Variants in UMAD1 observed in about 807,000 individuals in gnomAD.
The protein encoded by UMAD1 is UBAP1-MVB12-associated (UMA)-domain containing protein 1.
In UMAD1, 8 loss-of-function variants were observed where a neutral mutation model predicts 6.1. The observed-to-expected ratio is 1.30, with a 90% CI of 0.76 to 2.35. The LOEUF (loss-of-function observed/expected upper bound fraction) is 2.35. Among genes scored for constraint, UMAD1 ranks in the 30% most tolerant of loss-of-function variants. UMAD1 has a pLI of 0.00. For synonymous variants in UMAD1, 56 were observed against 31.4 expected, an observed-to-expected ratio of 1.78 and a Z score of -2.61; for missense variants, 130 against 78.4, an observed-to-expected ratio of 1.66 and a Z score of -2.49.
intron 3 of UMAD1, among the ~76,000 whole-genome samples, chr7:7,850,342 T>G (rs974337109): frequency 6.6e-6 from 1 of 152,114 alleles, no homozygotes; most frequent in Non-Finnish European, 1.5e-5. Context: ...CACAGCAATT[T>G]GATACATTAC....
At chr7:7,801,879 T>C in intron 3 of UMAD1, 136 bp downstream of exon 3, 2 of 621,020 alleles carry the variant, frequency 3.2e-6, no homozygotes, top group Non-Finnish European at 5.8e-6. Flanking sequence ...AGTGGTCTGC[T>C]GAAAGTCAGT....
At chr7:7,677,875 G>A (rs993749592) in intron 2 of UMAD1, among the ~76,000 whole-genome samples, 26 of 150,984 alleles carry the variant, frequency 1.7e-4, no homozygotes, top group Middle Eastern at 3.4e-3. Flanking sequence ...GGGTTTCACC[G>A]TTTTAGCCGG....
At chr7:7,868,166 T>G (rs972404341) in intron 3 of UMAD1, among the ~76,000 whole-genome samples, 36 of 152,118 alleles carry the variant, frequency 2.4e-4, no homozygotes, top group African/African-American at 7.5e-4. Context: ...GTTTATGAAT[T>G]TCTATAAAGC....
intron 2 of UMAD1, among the ~76,000 whole-genome samples, chr7:7,768,553 C>A (rs1450955820): frequency 3.3e-5 from 5 of 152,166 alleles, no homozygotes; most frequent in Admixed American, 3.3e-4. Flanking sequence ...ATCAGCTTCT[C>A]TGAGGAGGCC....
At chr7:7,680,998 C>T (rs1209787728) in intron 2 of UMAD1, among the ~76,000 whole-genome samples, 1 of 151,808 alleles carries the variant, frequency 6.6e-6, no homozygotes, top group Non-Finnish European at 1.5e-5. Context: ...TTTGTGGCAT[C>T]GTGTGCAATA....
At chr7:7,659,981 G>A (rs1470743113) in intron 1 of UMAD1, among the ~76,000 whole-genome samples, 12 of 152,118 alleles carry the variant, frequency 7.9e-5, no homozygotes. Flanking sequence ...GAATCTGGGT[G>A]ATCCTGTATT....
intron 2 of UMAD1, among the ~76,000 whole-genome samples, chr7:7,787,041 A>G (rs753607523): frequency 6.6e-6 from 1 of 152,216 alleles, no homozygotes; most frequent in Non-Finnish European, 1.5e-5. Flanking sequence ...CTGTTTTGCA[A>G]TAAGGCACGT....
chr7:7,820,735 T>C (rs574311858), intron 3 of UMAD1, among the ~76,000 whole-genome samples: 54 of 152,348 alleles, frequency 3.5e-4, no homozygotes, highest in African/African-American at 1.3e-3. Flanking sequence ...CTTGATTTTT[T>C]TTCAAACTCT....
At chr7:7,708,514 A>T (rs186752944) in intron 2 of UMAD1, among the ~76,000 whole-genome samples, 28 of 152,340 alleles carry the variant, frequency 1.8e-4, no homozygotes, top group African/African-American at 6.7e-4. Context: ...CTCTGTTAAG[A>T]AATTAATAGG....
chr7:7,781,022 C>T (rs912023065), intron 2 of UMAD1, among the ~76,000 whole-genome samples: 2 of 152,208 alleles, frequency 1.3e-5, no homozygotes, highest in African/African-American at 2.4e-5. Flanking sequence ...TAGAATAAAT[C>T]CTGGAAGTGG....
In UMAD1 at chr7:7,678,665, ATAAATATATATTTATATATT is replaced by A. The variant is rs1307187276; in HGVS notation, c.82+5215_82+5234del. ...AAATATATATTTATATATTTAGTTT[ATAAATATATATTTATATATT>A]TAGTTTATAAATATATATTTATATA... On this transcript the variant is annotated intron_variant, in intron 2 of 3. Coordinates refer to ENST00000682710, the MANE Select transcript of UMAD1 (RefSeq NM_001302348.2). Among the ~76,000 whole-genome samples the A allele has an allele frequency of 3.3e-3, 421 of 129,038 alleles. 4 individuals are homozygous for A. The highest frequency in any genetic ancestry group is 0.012 in the African/African-American group (393 of 32,418). The allele number at this position is 129,038 out of a possible 152,430, so 84.7% of individuals were successfully genotyped here.
At chr7:7,788,030 C>T (rs753718809) in intron 2 of UMAD1, among the ~76,000 whole-genome samples, 1 of 152,172 alleles carries the variant, frequency 6.6e-6, no homozygotes, top group Non-Finnish European at 1.5e-5. Flanking sequence ...ATGCACCAGT[C>T]GGGAAACAGC....
chr7:7,709,023 AG>A (rs1024861375), intron 2 of UMAD1, among the ~76,000 whole-genome samples: 2 of 152,068 alleles, frequency 1.3e-5, no homozygotes, highest in Non-Finnish European at 2.9e-5. Flanking sequence ...AAGACAGAAG[AG>A]GAAAACAGTC....
At chr7:7,676,484 T>TA (rs1779742642) in intron 2 of UMAD1, among the ~76,000 whole-genome samples, 2 of 152,254 alleles carry the variant, frequency 1.3e-5, no homozygotes, top group Non-Finnish European at 2.9e-5. Context: ...CATCTTTTTG[T>TA]AAAAAAAGTT....
intron 1 of UMAD1, among the ~76,000 whole-genome samples, chr7:7,648,202 C>A (rs1785141850): frequency 6.6e-6 from 1 of 152,136 alleles, no homozygotes; most frequent in African/African-American, 2.4e-5. Flanking sequence ...GACTTAATTG[C>A]CTAGATGTAT....
intron 2 of UMAD1, among the ~76,000 whole-genome samples, chr7:7,794,610 A>G (rs1386038257): frequency 6.6e-6 from 1 of 152,154 alleles, no homozygotes; most frequent in East Asian, 1.9e-4. Flanking sequence ...TATAAGACTG[A>G]CAAAACAGAC....
intron 2 of UMAD1, among the ~76,000 whole-genome samples, chr7:7,693,118 A>T (rs1780214756): frequency 6.6e-6 from 1 of 152,122 alleles, no homozygotes. Context: ...GTCAAAAGGA[A>T]CCCCAAAGGT....
At position 7,640,832 on chromosome 7, in the gene UMAD1, T is replaced by C; in HGVS notation, c.-64+11T>C. 5.1e-6 allele frequency: 1 copy of C among 194,892 alleles called. No individual in the cohort carries two copies. Among genetic ancestry groups the C allele is most frequent in the South Asian group, 7.1e-5 (1 of 14,024 alleles). The allele number at this position is 194,892 out of a possible 1,614,324, so 12.1% of individuals were successfully genotyped here. A position where few individuals can be genotyped will look rare whatever the true frequency, so the allele number is the denominator to read the frequency against. On this transcript the variant is annotated intron_variant, in intron 1 of 3. Transcript: ENST00000682710. ...CGGGGCCAGCCTCAGGTACCTCGTC[T>C]CGCGGGAGGCGCCGCAACCTTACTG...
At chr7:7,695,543 C>G (rs751468878) in intron 2 of UMAD1, among the ~76,000 whole-genome samples, 1 of 152,174 alleles carries the variant, frequency 6.6e-6, no homozygotes, top group Non-Finnish European at 1.5e-5. Context: ...TGTTTAGTCT[C>G]AGAGCAAGAA....
Sources: gnomAD v4.1 joint callset for allele counts (sites outside exome capture counted in the v4.1 genomes callset) on GRCh38, gnomAD v4.1.1 for gene constraint, MANE v1.5 for transcripts, NCBI Gene and HGNC (gene_info 2026-07-23, HGNC 2026-07-21) for gene names.